The following IPMK variants were observed in gnomAD, a reference collection of about 807,000 sequenced individuals.
IPMK encodes the protein inositol polyphosphate multikinase.
IPMK carries 17 observed loss-of-function variants against 45.8 expected under a neutral mutation model. The ratio of observed to expected loss-of-function variants is 0.37; its 90% CI spans 0.25 to 0.56. The LOEUF is 0.56. IPMK is among the 20% of genes least tolerant of loss of function. The probability of loss-of-function intolerance (pLI) is 0.79; values close to 1 mark genes in which losing one functional copy is unlikely to be tolerated. For missense variants in IPMK, 399 were observed against 498.0 expected, an observed-to-expected ratio of 0.80 and a Z score of 1.89; for synonymous variants, 180 against 184.3, an observed-to-expected ratio of 0.98 and a Z score of 0.19.
intron 4 of IPMK, among the ~76,000 whole-genome samples, chr10:58,210,221 C>T (rs774884414): frequency 4.6e-5 from 7 of 152,110 alleles, no homozygotes; most frequent in Non-Finnish European, 7.4e-5. Flanking sequence ...TAGCCAGTAG[C>T]GAAGGGACTC....
chr10:58,249,051 C>G (rs558072859), intron 1 of IPMK, among the ~76,000 whole-genome samples: 2 of 152,286 alleles, frequency 1.3e-5, no homozygotes, highest in South Asian at 4.1e-4. Flanking sequence ...TATTCAGAAG[C>G]AGGAATGCTG....
chr10:58,241,534 T>A (rs1261156339), intron 1 of IPMK, among the ~76,000 whole-genome samples: 1 of 152,156 alleles, frequency 6.6e-6, no homozygotes, highest in Admixed American at 6.5e-5. Context: ...AGTATTTTAG[T>A]CAGCCAGGGT....
chr10:58,267,270 CG>C (rs1264492804), intron 1 of IPMK, 151 bp downstream of exon 1: 1 of 719,862 alleles, frequency 1.4e-6, no homozygotes, highest in East Asian at 2.8e-5. Context: ...GCTCGAGTGG[CG>C]AGGCTTCGGG....
At chr10:58,204,145 T>G (rs926581781) in intron 4 of IPMK, among the ~76,000 whole-genome samples, 8 of 152,152 alleles carry the variant, frequency 5.3e-5, no homozygotes, top group African/African-American at 1.9e-4. Context: ...GAAGACTGCT[T>G]GAGTGTAGGA....
chr10:58,218,624 G>C (rs931643695), intron 3 of IPMK, among the ~76,000 whole-genome samples: 2 of 152,184 alleles, frequency 1.3e-5, no homozygotes, highest in African/African-American at 4.8e-5. Context: ...CTGGGGTCAA[G>C]TTGTATATGG....
chr10:58,243,121 A>C (rs1369650491), intron 1 of IPMK, among the ~76,000 whole-genome samples: 3 of 152,176 alleles, frequency 2.0e-5, no homozygotes, highest in Admixed American at 1.3e-4. Flanking sequence ...AAAATGAACT[A>C]ATACACTATC....
At chr10:58,207,535 C>T (rs1310244345) in intron 4 of IPMK, among the ~76,000 whole-genome samples, 1 of 152,220 alleles carries the variant, frequency 6.6e-6, no homozygotes, top group Non-Finnish European at 1.5e-5. Context: ...CTTTTCAACA[C>T]ATCCATGTTA....
intron 4 of IPMK, among the ~76,000 whole-genome samples, chr10:58,200,768 C>A (rs1837984852): frequency 6.6e-6 from 1 of 152,126 alleles, no homozygotes; most frequent in African/African-American, 2.4e-5. Context: ...ATACAGGAAT[C>A]CTTGAGTAAC....
At chr10:58,239,208 A>G (rs1838661748) in intron 1 of IPMK, among the ~76,000 whole-genome samples, 1 of 152,198 alleles carries the variant, frequency 6.6e-6, no homozygotes, top group South Asian at 2.1e-4. Context: ...GTAGGTAAAT[A>G]TTAATCTTTC....
Position 58,193,592 on chromosome 10 carries a change from G to A in IPMK, c.*2484C>T, listed in dbSNP as rs567389787. The A allele has an allele frequency of 4.6e-5, 7 of 151,464 alleles. No homozygotes were observed. The highest frequency in any genetic ancestry group is 1.7e-4 in the African/African-American group (7 of 41,392). 9.4% of individuals were successfully genotyped at this position (151,464 alleles called of 1,614,324 possible). On this transcript the variant is annotated 3_prime_UTR_variant, in exon 6 of 6. Coordinates refer to ENST00000373935, the MANE Select transcript of IPMK (RefSeq NM_152230.5). ...ACAATTTAAATTTTTATTAGAGAAA[G>A]GTATTATTCACATCCACAATTTCTT... is the stretch of plus-strand genomic sequence containing the variant.
At chr10:58,233,566 A>G (rs900668349) in intron 2 of IPMK, among the ~76,000 whole-genome samples, 3 of 152,220 alleles carry the variant, frequency 2.0e-5, no homozygotes, top group African/African-American at 4.8e-5. Flanking sequence ...AACCAACGAC[A>G]AAAAACATGA....
intron 1 of IPMK, among the ~76,000 whole-genome samples, chr10:58,245,286 A>T (rs1042896013): frequency 6.6e-6 from 1 of 151,922 alleles, no homozygotes; most frequent in Non-Finnish European, 1.5e-5. Flanking sequence ...GAGAAGGGAG[A>T]AAAGAGTTGT....
intron 2 of IPMK, among the ~76,000 whole-genome samples, chr10:58,235,178 A>G (rs542467492): frequency 6.6e-6 from 1 of 152,334 alleles, no homozygotes; most frequent in South Asian, 2.1e-4. Context: ...CAGATGCTGG[A>G]GAGGATGTGG....
rs554235550 is a variant in IPMK, at chr10:58,240,080, C to T, written c.191-2266G>A. Among the ~76,000 whole-genome samples the T allele has an allele frequency of 2.2e-4, 34 of 152,130 alleles. No individual in the cohort carries two copies. In the South Asian group the frequency reaches 7.0e-3, roughly 32 times the overall value. ...AGAGAAAACATAATAGGAGATGACA[C>T]ACAGATGACCAAGTCATTGTAATTA... On this transcript the variant is annotated intron_variant, in intron 1 of 5. Coordinates refer to ENST00000373935, the MANE Select transcript of IPMK (RefSeq NM_152230.5).
intron 1 of IPMK, among the ~76,000 whole-genome samples, chr10:58,247,355 C>T (rs1422162091): frequency 6.6e-6 from 1 of 151,316 alleles, no homozygotes; most frequent in African/African-American, 2.5e-5. Context: ...CACATGCACA[C>T]GTATGTTTAT....
chr10:58,198,221 A>G (rs1317142015), intron 5 of IPMK, among the ~76,000 whole-genome samples: 1 of 152,174 alleles, frequency 6.6e-6, no homozygotes, highest in Non-Finnish European at 1.5e-5. Flanking sequence ...TTTTTCCAAA[A>G]AGTTAAGCTC....
chr10:58,208,701 G>A (rs1838109433), intron 4 of IPMK, among the ~76,000 whole-genome samples: 1 of 152,156 alleles, frequency 6.6e-6, no homozygotes, highest in Non-Finnish European at 1.5e-5. Context: ...GTCTCCTATA[G>A]AGTTGGAATG....
At chr10:58,240,663 A>G (rs1216024849) in intron 1 of IPMK, among the ~76,000 whole-genome samples, 2 of 151,996 alleles carry the variant, frequency 1.3e-5, no homozygotes, top group Non-Finnish European at 2.9e-5. Context: ...CCACGAAAAA[A>G]AAAAAAAAAA....
chr10:58,197,755 G>C (rs925856086), intron 5 of IPMK, among the ~76,000 whole-genome samples: 1 of 151,996 alleles, frequency 6.6e-6, no homozygotes, highest in Non-Finnish European at 1.5e-5. Context: ...TGTTCGGGCT[G>C]GGCGCAGTGG....
Sources: gnomAD v4.1 joint callset for allele counts (sites outside exome capture counted in the v4.1 genomes callset) on GRCh38, gnomAD v4.1.1 for gene constraint, MANE v1.5 for transcripts, NCBI Gene and HGNC (gene_info 2026-07-23, HGNC 2026-07-21) for gene names.